Variants in CNKSR3 observed in about 807,000 individuals in gnomAD.
CNKSR3 encodes the protein CNKSR family member 3.
A neutral mutation model predicts 67.7 loss-of-function variants in CNKSR3; 36 were observed. That is an observed-to-expected ratio of 0.53 (90% confidence interval 0.41 to 0.70). CNKSR3 has a LOEUF of 0.70. CNKSR3 is among the 30% of genes least tolerant of loss of function. The probability of loss-of-function intolerance (pLI) is 0.00; values close to 1 mark genes in which losing one functional copy is unlikely to be tolerated. For missense variants in CNKSR3, 630 were observed against 695.2 expected, an observed-to-expected ratio of 0.91 and a Z score of 1.05; for synonymous variants, 281 against 271.4, an observed-to-expected ratio of 1.04 and a Z score of -0.35.
rs559998141 is a variant in CNKSR3, at chr6:154,388,769, G to C, written c.*17585C>G. ...TTGCATTGCCCTGATGATCAGTGATGATGAGCACCTTTTATCCTCTGGGAG... is the reference window on the plus strand; with the variant it reads ...TTGCATTGCCCTGATGATCAGTGATCATGAGCACCTTTTATCCTCTGGGAG... On this transcript the variant is annotated 3_prime_UTR_variant, in exon 13 of 13. Coordinates refer to ENST00000607772, the MANE Select transcript of CNKSR3 (RefSeq NM_173515.4). 6 of 152,246 alleles carry C rather than the reference G, an allele frequency of 3.9e-5. No individual in the cohort carries two copies. The highest frequency in any genetic ancestry group is 7.2e-5 in the African/African-American group (3 of 41,556). 9.4% of individuals were successfully genotyped at this position (152,246 alleles called of 1,614,324 possible). A position where few individuals can be genotyped will look rare whatever the true frequency, so the allele number is the denominator to read the frequency against.
chr6:154,499,899 C>T lies in CNKSR3; in HGVS notation c.52+10164G>A, dbSNP rs117919285. On this transcript the variant is annotated intron_variant, in intron 1 of 12. Coordinates refer to ENST00000607772, the MANE Select transcript of CNKSR3 (RefSeq NM_173515.4). ...GTGCTTAGAATCAAACCACTTCAAA[C>T]CATGTGTCTCCAGGCATCTTAATAG... Among the ~76,000 whole-genome samples the T allele has an allele frequency of 5.6e-3, 856 of 152,304 alleles. 3 individuals carry two copies. The highest frequency in any genetic ancestry group is 8.6e-3 in the Non-Finnish European group (582 of 68,026).
chr6:154,455,881 G>C (rs1288962973), intron 1 of CNKSR3, among the ~76,000 whole-genome samples: 1 of 17,980 alleles, frequency 5.6e-5, no homozygotes, highest in Non-Finnish European at 1.1e-4. Context: ...CTCAGTATCA[G>C]TCTTTGACAA....
At chr6:154,473,976 G>GGT in intron 1 of CNKSR3, among the ~76,000 whole-genome samples, 1 of 149,006 alleles carries the variant, frequency 6.7e-6, no homozygotes, top group East Asian at 2.0e-4. Context: ...GTATAGACGG[G>GGT]GTTTCACCAT....
chr6:154,438,005 C>T (rs1378441521), intron 4 of CNKSR3, among the ~76,000 whole-genome samples: 1 of 151,850 alleles, frequency 6.6e-6, no homozygotes, highest in African/African-American at 2.4e-5. Context: ...GTGCTTTTCA[C>T]ATGTTGTATC....
intron 1 of CNKSR3, among the ~76,000 whole-genome samples, chr6:154,465,140 CAA>C (rs59986165): frequency 0.05 from 3,438 of 69,078 alleles, 31 homozygotes; most frequent in African/African-American, 0.09. Context: ...GATTCTGTCT[CAA>C]AAAAAAAAAA....
intron 9 of CNKSR3, among the ~76,000 whole-genome samples, chr6:154,416,728 C>T (rs1401676188): frequency 6.6e-6 from 1 of 152,128 alleles, no homozygotes; most frequent in Non-Finnish European, 1.5e-5. Context: ...CAGAGAAACC[C>T]CCAGGGCTGG....
chr6:154,459,369 C>T (rs1333964374), intron 1 of CNKSR3, among the ~76,000 whole-genome samples: 1 of 152,010 alleles, frequency 6.6e-6, no homozygotes, highest in Admixed American at 6.6e-5. Context: ...AGTTCTTTCA[C>T]TTTGTTTCTG....
chr6:154,422,506 C>G lies in CNKSR3; in HGVS notation c.945G>C (p.Gln315His). 1 of 1,613,896 alleles carries G rather than the reference C, an allele frequency of 6.2e-7. No individual in the cohort carries two copies. The highest frequency in any genetic ancestry group is 8.5e-7 in the Non-Finnish European group (1 of 1,179,898). The change falls in exon 9 of 13, where the codon CAG becomes CAC. Residue 315 changes from glutamine to histidine, a missense_variant and splice_region_variant. By Grantham distance (24) the Gln-to-His change is conservative. Transcript: ENST00000607772. The part of the protein sequence containing the change: ...KNLRWKPPLV[Q>H]TSPPPATTQS... ...GAGGTTTACAGTTAATCCCAGATAC[C>G]TGTACAAGAGGTGGCTTCCACCGTA...
At chr6:154,424,263 A>T (rs2128714213) in intron 7 of CNKSR3, among the ~76,000 whole-genome samples, 1 of 152,128 alleles carries the variant, frequency 6.6e-6, no homozygotes, top group East Asian at 1.9e-4. Flanking sequence ...AGAAAAAAGA[A>T]ATATAAAGGG....
intron 1 of CNKSR3, among the ~76,000 whole-genome samples, chr6:154,479,699 A>T (rs1488486360): frequency 6.6e-6 from 1 of 152,202 alleles, no homozygotes; most frequent in Non-Finnish European, 1.5e-5. Flanking sequence ...CTATTGGGAA[A>T]TGTTTGTGCT....
chr6:154,497,395 A>G (rs1023062304), intron 1 of CNKSR3, among the ~76,000 whole-genome samples: 15 of 151,994 alleles, frequency 9.9e-5, no homozygotes, highest in African/African-American at 2.9e-4. Context: ...TGTCTCAAAA[A>G]CGAGAGAAAG....
rs1162717647 is a variant in CNKSR3 at position 154,399,672 on chromosome 6, AG to A, written c.*6681del. 6.6e-6 allele frequency: 1 copy of A among 152,140 alleles called. No homozygotes were observed. Among genetic ancestry groups the A allele is most frequent in the Non-Finnish European group, 1.5e-5 (1 of 68,020 alleles). The allele number at this position is 152,140 out of a possible 1,614,324, so 9.4% of individuals were successfully genotyped here. A position where few individuals can be genotyped will look rare whatever the true frequency, so the allele number is the denominator to read the frequency against. The stretch of plus-strand genomic sequence containing the variant: ...CTGGTGCAGCCTCAGTTGGAGTGAC[AG>A]GAAGTTTAGATATGAGTAAGAAAAC... On this transcript the variant is annotated 3_prime_UTR_variant, in exon 13 of 13. Coordinates refer to ENST00000607772, the MANE Select transcript of CNKSR3 (RefSeq NM_173515.4).
intron 1 of CNKSR3, among the ~76,000 whole-genome samples, chr6:154,462,103 A>T (rs1786092226): frequency 6.6e-6 from 1 of 152,200 alleles, no homozygotes; most frequent in Non-Finnish European, 1.5e-5. Flanking sequence ...ATACCATACA[A>T]TTCGCCTATT....
At chr6:154,462,733 G>C (rs1348018170) in intron 1 of CNKSR3, among the ~76,000 whole-genome samples, 1 of 152,150 alleles carries the variant, frequency 6.6e-6, no homozygotes, top group Admixed American at 6.5e-5. Flanking sequence ...TCTGCAGGGA[G>C]GCTTCAGCTG....
rs765832957 is a variant in CNKSR3, at chr6:154,426,772, T to C, written c.729+1356A>G. Among the ~76,000 whole-genome samples the C allele has an allele frequency of 2.6e-5, 4 of 152,054 alleles. No homozygotes were observed. The East Asian group carries it at 5.8e-4, about 22-fold the overall frequency. ...ATTGCTTCAAGAAGACCCAATAGAG[T>C]TGGAAAACACACTGGTCTGGTTAAG... On this transcript the variant is annotated intron_variant, in intron 7 of 12. Coordinates refer to ENST00000607772, the MANE Select transcript of CNKSR3 (RefSeq NM_173515.4).
At position 154,450,116 on chromosome 6, in the gene CNKSR3, A is replaced by G. The variant is rs147770130; in HGVS notation, c.195T>C (p.Ala65=). Residue 65 remains alanine (A), a synonymous_variant, in exon 2 of 13, where the codon GCT becomes GCC. Coordinates refer to ENST00000607772, the MANE Select transcript of CNKSR3 (RefSeq NM_173515.4). ...TAACCAGTGCACAGAGAAGGTCCAC[A>G]GCCTCCAACACAAGCTCCTGGTGTC... ...RIGHQELVLE[A]VDLLCALNYG... 445 of 1,614,066 alleles carry G rather than the reference A, an allele frequency of 2.8e-4. No individual in the cohort carries two copies. Among genetic ancestry groups the G allele is most frequent in the Admixed American group, 3.0e-4 (18 of 59,996 alleles).
intron 7 of CNKSR3, among the ~76,000 whole-genome samples, chr6:154,424,046 C>T (rs148965343): frequency 0.034 from 5,207 of 152,046 alleles, 163 homozygotes; most frequent in African/African-American, 0.083. Context: ...TCCTGGCTAA[C>T]ACGGTGAAAT....
intron 1 of CNKSR3, among the ~76,000 whole-genome samples, chr6:154,499,266 A>G (rs1043625475): frequency 3.3e-5 from 5 of 152,188 alleles, no homozygotes; most frequent in African/African-American, 1.2e-4. Context: ...TTAGCAAAAA[A>G]CTGTGGACAG....
intron 3 of CNKSR3, among the ~76,000 whole-genome samples, chr6:154,441,764 G>C: frequency 6.7e-6 from 1 of 150,098 alleles, no homozygotes; most frequent in Non-Finnish European, 1.5e-5. Context: ...AACAAAAATT[G>C]ACAGTTAACA....
Sources: allele counts gnomAD v4.1 joint callset (sites outside exome capture counted in the v4.1 genomes callset), GRCh38; gene constraint gnomAD v4.1.1; transcripts MANE v1.5; gene names NCBI Gene and HGNC (gene_info 2026-07-23, HGNC 2026-07-21).